AGMO: variants seen among roughly 807,000 people sequenced by gnomAD.
AGMO encodes glyceryl-ether monooxygenase.
In AGMO, 75 loss-of-function variants were observed where a neutral mutation model predicts 60.2. The ratio of observed to expected loss-of-function variants is 1.25; its 90% CI spans 1.03 to 1.51. The LOEUF (loss-of-function observed/expected upper bound fraction) is 1.51, where lower values mean the gene tolerates loss of function less well. Ranked by LOEUF, AGMO falls within the 40% of genes most tolerant of loss-of-function variation. The pLI is 0.00. For synonymous variants in AGMO, 261 were observed against 177.1 expected (o/e 1.47, Z -3.76); for missense variants, 763 against 525.5 (o/e 1.45, Z -4.42).
At chr7:15,540,472 G>C (rs1237230091) in intron 3 of AGMO, among the ~76,000 whole-genome samples, 2 of 152,174 alleles carry the variant, frequency 1.3e-5, no homozygotes, top group Admixed American at 1.3e-4. Flanking sequence ...ATGGAGGCAA[G>C]GTCTCTTTCT....
intron 12 of AGMO, among the ~76,000 whole-genome samples, chr7:15,214,209 T>C (rs186234342): frequency 7.9e-5 from 12 of 152,090 alleles, no homozygotes; most frequent in African/African-American, 1.9e-4. Context: ...ATATTAAATA[T>C]TGAATAAGAG....
the AGMO span, among the ~76,000 whole-genome samples, chr7:15,135,000 A>T: frequency 3.3e-5 from 5 of 152,098 alleles, no homozygotes; most frequent in African/African-American, 1.2e-4. Context: ...ATATTAAAAA[A>T]ACTAAATTAC....
chr7:15,242,004 A>T (rs1782606171), intron 12 of AGMO, among the ~76,000 whole-genome samples: 1 of 152,184 alleles, frequency 6.6e-6, no homozygotes, highest in Non-Finnish European at 1.5e-5. Context: ...TAAGTATGCC[A>T]CATGGAATAC....
chr7:15,365,278 ACT>A (rs1266195724), intron 12 of AGMO, among the ~76,000 whole-genome samples: 4 of 150,924 alleles, frequency 2.7e-5, no homozygotes, highest in Admixed American at 6.6e-5. Context: ...GTGTCCAACA[ACT>A]CTATGAGGTT....
At chr7:15,194,415 AG>A in the AGMO span, among the ~76,000 whole-genome samples, 5 of 152,146 alleles carry the variant, frequency 3.3e-5, no homozygotes, top group Non-Finnish European at 5.9e-5. Flanking sequence ...ATAACTTAAA[AG>A]TCTTTTAATC....
At chr7:15,226,929 C>A (rs2128498375) in intron 12 of AGMO, among the ~76,000 whole-genome samples, 1 of 152,038 alleles carries the variant, frequency 6.6e-6, no homozygotes, top group Admixed American at 6.6e-5. Flanking sequence ...GTATTTCCAA[C>A]AAAATACCAC....
intron 3 of AGMO, among the ~76,000 whole-genome samples, chr7:15,495,731 T>C (rs923348270): frequency 3.9e-5 from 6 of 152,096 alleles, no homozygotes; most frequent in Non-Finnish European, 8.8e-5. Flanking sequence ...ATTTGGTTGC[T>C]AGTAAGGCCT....
intron 5 of AGMO, 22 bp from the exon 6 acceptor site, chr7:15,394,201 T>A (rs1224502952): frequency 1.3e-6 from 2 of 1,491,762 alleles, no homozygotes; most frequent in African/African-American, 2.8e-5. Context: ...AGAAGGAATA[T>A]TTATACATGT....
intron 3 of AGMO, among the ~76,000 whole-genome samples, chr7:15,441,160 C>A (rs1403129105): frequency 6.6e-6 from 1 of 152,070 alleles, no homozygotes; most frequent in Non-Finnish European, 1.5e-5. Context: ...TGTAACAGGC[C>A]AGTGAAGAAA....
the AGMO span, among the ~76,000 whole-genome samples, chr7:15,132,022 G>C: frequency 6.6e-6 from 1 of 152,206 alleles, no homozygotes; most frequent in South Asian, 2.1e-4. Flanking sequence ...CGGGGAATTA[G>C]AACACTTGTA....
At chr7:15,550,513 C>G (rs1784921065) in intron 2 of AGMO, among the ~76,000 whole-genome samples, 1 of 152,108 alleles carries the variant, frequency 6.6e-6, no homozygotes, top group African/African-American at 2.4e-5. Context: ...GAAATACAAA[C>G]TACCATCAGA....
intron 12 of AGMO, among the ~76,000 whole-genome samples, chr7:15,206,816 T>C (rs997480280): frequency 6.6e-6 from 1 of 152,116 alleles, no homozygotes; most frequent in Non-Finnish European, 1.5e-5. Flanking sequence ...AAATACACAT[T>C]AAAACAGAGT....
chr7:15,322,305 A>C (rs1022981282), intron 12 of AGMO, among the ~76,000 whole-genome samples: 2 of 147,714 alleles, frequency 1.4e-5, no homozygotes, highest in Non-Finnish European at 3.0e-5. Context: ...GCACTAAGTA[A>C]ACTTTATAGA....
chr7:15,514,034 C>T (rs983172975), intron 3 of AGMO, among the ~76,000 whole-genome samples: 2 of 152,164 alleles, frequency 1.3e-5, no homozygotes, highest in African/African-American at 4.8e-5. Flanking sequence ...TCTCTCAAAG[C>T]TTTTAATACC....
chr7:15,140,524 T>G, the AGMO span, among the ~76,000 whole-genome samples: 1 of 152,206 alleles, frequency 6.6e-6, no homozygotes, highest in South Asian at 2.1e-4. Flanking sequence ...TAGACATATT[T>G]CAGGACTTCC....
chr7:15,206,128 T>C (rs553131744), intron 12 of AGMO, among the ~76,000 whole-genome samples: 1 of 152,202 alleles, frequency 6.6e-6, no homozygotes, highest in South Asian at 2.1e-4. Context: ...CTCCAAAATA[T>C]CTCTATTTCC....
rs543722850 is a variant in AGMO, at chr7:15,304,235, A to C, written c.1263+61279T>G. On this transcript the variant is annotated intron_variant, in intron 12 of 12. Transcript: ENST00000342526. ...ATGTCTTGACCTACATAAACTCCTA[A>C]CATTTGTTTCATCTTTTAAAGTCTC... 2.2e-3 allele frequency among the ~76,000 whole-genome samples: 330 copies of C among 152,170 alleles called. 3 individuals are homozygous for C. Among genetic ancestry groups the C allele is most frequent in the Non-Finnish European group, 4.0e-3 (272 of 67,990 alleles).
intron 12 of AGMO, among the ~76,000 whole-genome samples, chr7:15,226,565 A>C (rs1192640751): frequency 2.0e-5 from 3 of 152,092 alleles, no homozygotes; most frequent in Non-Finnish European, 4.4e-5. Context: ...ATTTTTAAAG[A>C]GTAGAAATAT....
At chr7:15,424,165 CTT>C (rs1238655768) in intron 4 of AGMO, among the ~76,000 whole-genome samples, 1 of 152,066 alleles carries the variant, frequency 6.6e-6, no homozygotes, top group Non-Finnish European at 1.5e-5. Context: ...AGTGCAAACA[CTT>C]CTCTCTAAAA....
Sources: gnomAD v4.1 joint callset for allele counts (sites outside exome capture counted in the v4.1 genomes callset) on GRCh38, gnomAD v4.1.1 for gene constraint, MANE v1.5 for transcripts, NCBI Gene and HGNC (gene_info 2026-07-23, HGNC 2026-07-21) for gene names.